Variants in LRATD2 observed in about 807,000 individuals in gnomAD.
LRATD2 encodes the protein LRAT domain containing 2, also known as protein LRATD2.
In LRATD2, 10 loss-of-function variants were observed where a neutral mutation model predicts 12.0. The observed-to-expected ratio is 0.83, with a 90% CI of 0.51 to 1.41. The LOEUF is 1.41. Ranked by LOEUF, LRATD2 falls within the 40% of genes most tolerant of loss-of-function variation. The pLI, the probability that LRATD2 is intolerant of heterozygous loss-of-function variation, is 0.00. For missense variants in LRATD2, 455 were observed against 446.1 expected (o/e 1.02, Z -0.18); for synonymous variants, 220 against 205.8 (o/e 1.07, Z -0.59).
chr8:126,558,171 A>T lies in LRATD2; in HGVS notation c.-234T>A, dbSNP rs186588912. On this transcript the variant is annotated 5_prime_UTR_variant, in exon 1 of 2. Transcript: ENST00000304916. ...GCGGCAGCGAGGCTGGGCAGAGGGCAGCGCAGCGGGCAGACTAGGGGCATG... is the reference window on the plus strand; with the variant it reads ...GCGGCAGCGAGGCTGGGCAGAGGGCTGCGCAGCGGGCAGACTAGGGGCATG... 8.5e-5 allele frequency: 13 copies of T among 153,014 alleles called. No individual in the cohort carries two copies. The highest frequency in any genetic ancestry group is 1.9e-4 in the Non-Finnish European group (13 of 68,620). The allele number at this position is 153,014 out of a possible 1,614,324, so 9.5% of individuals were successfully genotyped here. A position where few individuals can be genotyped will look rare whatever the true frequency, so the allele number is the denominator to read the frequency against.
Position 126,556,838 on chromosome 8 carries a change from G to C in LRATD2, c.552C>G (p.Asn184Lys), listed in dbSNP as rs1441282392. 10 of 1,605,002 alleles carry C rather than the reference G, an allele frequency of 6.2e-6. No individual in the cohort carries two copies. The highest frequency in any genetic ancestry group is 1.3e-5 in the African/African-American group (1 of 75,048). ...CCTTGGCACCCACGTGCGCCAGCGC[G>C]TTGCGCACCACGGCGCTGGAGCTTA... ...KPLSSSAVVR[N>K]ALAHVGAKER... is the part of the protein sequence containing the mutation. The change falls in exon 2 of 2, where the codon AAC becomes AAG. Residue 184 changes from asparagine to lysine, a missense_variant. By Grantham distance (94) the Asn-to-Lys change is moderately conservative. Transcript: ENST00000304916. The surrounding 1 kb of genome is among the most constrained non-coding windows in gnomAD (Gnocchi z 5.6).
chr8:126,558,338 A>C lies in LRATD2; in HGVS notation c.-401T>G, dbSNP rs1476898462. 6.6e-6 allele frequency: 1 copy of C among 152,000 alleles called. No individual in the cohort carries two copies. The highest frequency in any genetic ancestry group is 1.5e-5 in the Non-Finnish European group (1 of 68,058). 9.4% of individuals were successfully genotyped at this position (152,000 alleles called of 1,614,324 possible). Reference sequence around the variant, plus strand: ...GGAGGTGGGGCGCGAGGAGGAGAGGACGGCAGCCTCGCAGCCTGGCGGCAA... The same window carrying C: ...GGAGGTGGGGCGCGAGGAGGAGAGGCCGGCAGCCTCGCAGCCTGGCGGCAA... On this transcript the variant is annotated 5_prime_UTR_variant, in exon 1 of 2. Transcript: ENST00000304916.
rs12547220 is a variant in LRATD2 at position 126,558,443 on chromosome 8, G to A, written c.-506C>T. The A allele has an allele frequency of 0.1, 15,719 of 152,170 alleles. 1,060 individuals are homozygous for A. The highest frequency in any genetic ancestry group is 0.18 in the Admixed American group (2,718 of 15,300). The allele number at this position is 152,170 out of a possible 1,614,324, so 9.4% of individuals were successfully genotyped here. ...TGTAGATCCGGCTCCGGGCTCCCGG[G>A]CGGGAGCGCAGCCCGTGGCATTTAA... On this transcript the variant is annotated 5_prime_UTR_variant, in exon 1 of 2. Transcript: ENST00000304916.
In LRATD2 at chr8:126,557,172, G is replaced by C; in HGVS notation, c.218C>G (p.Pro73Arg). 1 of 1,609,788 alleles carries C rather than the reference G, an allele frequency of 6.2e-7. No homozygotes were observed. The highest frequency in any genetic ancestry group is 8.5e-7 in the Non-Finnish European group (1 of 1,178,506). ...GDGPPPPQPQ[P>R]YDPRLHEVEC... ...CACCTCGTGCAGCCGCGGATCGTAG[G>C]GCTGCGGCTGGGGCGGCGGCGGCCC... is the stretch of plus-strand genomic sequence containing the variant. The change falls in exon 2 of 2, where the codon CCC (proline) becomes CGC (arginine). Residue 73 changes from proline to arginine, a missense_variant. Physicochemically the swap from Pro to Arg is moderately radical, Grantham distance 103 (BLOSUM62 -2). Coordinates refer to ENST00000304916, the MANE Select transcript of LRATD2 (RefSeq NM_174911.5). This position sits in a 1 kb window ranked among gnomAD's most constrained non-coding sequence, Gnocchi z 5.3.
At position 126,556,416 on chromosome 8, in the gene LRATD2, GCAAA is replaced by G. The variant is rs1817392732; in HGVS notation, c.*37_*40del. The G allele has an allele frequency of 6.6e-7, 1 of 1,507,588 alleles. No homozygotes were observed. 93.4% of individuals were successfully genotyped at this position (1,507,588 alleles called of 1,614,324 possible). A position where few individuals can be genotyped will look rare whatever the true frequency, so the allele number is the denominator to read the frequency against. On this transcript the variant is annotated 3_prime_UTR_variant, in exon 2 of 2. Coordinates refer to ENST00000304916, the MANE Select transcript of LRATD2 (RefSeq NM_174911.5). This position sits in a 1 kb window ranked among gnomAD's most constrained non-coding sequence, Gnocchi z 5.6. ...GAGAAAGGGAGCAGCGGCTGCTACT[GCAAA>G]CAGTTCCCCTTCGCAGCTCTGCGCT...
Position 126,552,718 on chromosome 8 carries a change from T to C in LRATD2, c.*3739A>G, listed in dbSNP as rs1002023373. On this transcript the variant is annotated 3_prime_UTR_variant, in exon 2 of 2. Coordinates refer to ENST00000304916, the MANE Select transcript of LRATD2 (RefSeq NM_174911.5). Reference sequence around the variant, plus strand: ...ACAACTCACTGGGAAATAAAATGCATGTGGAATTTATCCTGTTTGTCAACA... The same window carrying C: ...ACAACTCACTGGGAAATAAAATGCACGTGGAATTTATCCTGTTTGTCAACA... The C allele has an allele frequency of 6.6e-6, 1 of 152,534 alleles. No individual in the cohort carries two copies. The highest frequency in any genetic ancestry group is 2.4e-5 in the African/African-American group (1 of 41,458). The allele number at this position is 152,534 out of a possible 1,614,324, so 9.4% of individuals were successfully genotyped here.
rs1262891172 is a variant in LRATD2 at position 126,556,229 on chromosome 8, G to A, written c.*228C>T. 2 of 530,124 alleles carry A rather than the reference G, an allele frequency of 3.8e-6. No homozygotes were observed. Among genetic ancestry groups the A allele is most frequent in the Admixed American group, 7.9e-5 (2 of 25,178 alleles). The allele number at this position is 530,124 out of a possible 1,614,324, so 32.8% of individuals were successfully genotyped here. A position where few individuals can be genotyped will look rare whatever the true frequency, so the allele number is the denominator to read the frequency against. ...AGGAAGACAGACAGGGGGCCAGAGG[G>A]AGACGCCCCCCACCCCCAACTAAAG... On this transcript the variant is annotated 3_prime_UTR_variant, in exon 2 of 2. Coordinates refer to ENST00000304916, the MANE Select transcript of LRATD2 (RefSeq NM_174911.5). This position sits in a 1 kb window ranked among gnomAD's most constrained non-coding sequence, Gnocchi z 5.6.
rs763319263 is a variant in LRATD2 at position 126,556,987 on chromosome 8, C to T, written c.403G>A (p.Val135Ile). 10 of 1,608,122 alleles carry T rather than the reference C, an allele frequency of 6.2e-6. No individual in the cohort carries two copies. Among genetic ancestry groups the T allele is most frequent in the Non-Finnish European group, 5.9e-6 (7 of 1,179,988 alleles). Reference sequence around the variant, plus strand: ...ACCACCTGGAAGTTACCCACATATACGGCCCAGTGCGGGTACTGAGCCTGC... The same window carrying T: ...ACCACCTGGAAGTTACCCACATATATGGCCCAGTGCGGGTACTGAGCCTGC... Reference protein sequence around the residue: ...VSQAQYPHWAVYVGNFQVVHL... With the variant: ...VSQAQYPHWAIYVGNFQVVHL... The change falls in exon 2 of 2, where the codon GTA (valine) becomes ATA (isoleucine). Residue 135 changes from valine (V) to isoleucine (I), a missense_variant. By Grantham distance (29) the Val-to-Ile change is conservative. Transcript: ENST00000304916. The surrounding 1 kb of genome is among the most constrained non-coding windows in gnomAD (Gnocchi z 5.6).
Position 126,556,613 on chromosome 8 carries a change from C to T in LRATD2, c.777G>A (p.Gln259=). ...CCTGCAGCACGGCCGCGCGCCCGAT[C>T]TGGTCGTTGCGTCGCTTCTCCATGA... ...DLIMEKRRND[Q]IGRAAVLQEL... Residue 259 remains glutamine, a synonymous_variant, in exon 2 of 2, where the codon CAG becomes CAA. Coordinates refer to ENST00000304916, the MANE Select transcript of LRATD2 (RefSeq NM_174911.5). The surrounding 1 kb of genome is among the most constrained non-coding windows in gnomAD (Gnocchi z 5.6). 7 of 1,611,112 alleles carry T rather than the reference C, an allele frequency of 4.3e-6. No individual in the cohort carries two copies. The highest frequency in any genetic ancestry group is 5.9e-6 in the Non-Finnish European group (7 of 1,178,832).
In LRATD2 at chr8:126,556,619, G is replaced by A. The variant is rs780772163; in HGVS notation, c.771C>T (p.Asn257=). Residue 257 remains asparagine (N), a synonymous_variant, in exon 2 of 2, where the codon AAC becomes AAT. Coordinates refer to ENST00000304916, the MANE Select transcript of LRATD2 (RefSeq NM_174911.5). This position sits in a 1 kb window ranked among gnomAD's most constrained non-coding sequence, Gnocchi z 5.6. ...LEDLIMEKRR[N]DQIGRAAVLQ... ...GCACGGCCGCGCGCCCGATCTGGTC[G>A]TTGCGTCGCTTCTCCATGATCAGGT... The A allele has an allele frequency of 6.2e-7, 1 of 1,611,184 alleles. No individual in the cohort carries two copies. The highest frequency in any genetic ancestry group is 8.5e-7 in the Non-Finnish European group (1 of 1,178,892).
rs1335381192 is a variant in LRATD2 at position 126,557,488 on chromosome 8, G to A, written c.-96-3C>T. ...CCCCGGACAGGGGCTGAGGCTACCTGTTGGGAGAGGAAGGCAAGAAAGCCA... is the reference window on the plus strand; with the variant it reads ...CCCCGGACAGGGGCTGAGGCTACCTATTGGGAGAGGAAGGCAAGAAAGCCA... On this transcript the variant is annotated splice_polypyrimidine_tract_variant and splice_region_variant and intron_variant, in intron 1 of 1. Coordinates refer to ENST00000304916, the MANE Select transcript of LRATD2 (RefSeq NM_174911.5). This position sits in a 1 kb window ranked among gnomAD's most constrained non-coding sequence, Gnocchi z 5.3. 2.2e-6 allele frequency: 3 copies of A among 1,333,972 alleles called. No homozygotes were observed. Among genetic ancestry groups the A allele is most frequent in the Non-Finnish European group, 3.1e-6 (3 of 972,782 alleles). 82.6% of individuals were successfully genotyped at this position (1,333,972 alleles called of 1,614,324 possible).
Position 126,556,919 on chromosome 8 carries a change from G to A in LRATD2, c.471C>T (p.Asp157=). ...CGCGGCCGCGACGGCCCTGGCTGGCGTCAGTCAGGAAGCTGTTAATCACCT... is the reference window on the plus strand; with the variant it reads ...CGCGGCCGCGACGGCCCTGGCTGGCATCAGTCAGGAAGCTGTTAATCACCT... ...RLEVINSFLT[D]ASQGRRGRVV... Residue 157 remains aspartate (D), a synonymous_variant, in exon 2 of 2, where the codon GAC becomes GAT. Coordinates refer to ENST00000304916, the MANE Select transcript of LRATD2 (RefSeq NM_174911.5). The surrounding 1 kb of genome is among the most constrained non-coding windows in gnomAD (Gnocchi z 5.6). 1 of 1,609,894 alleles carries A rather than the reference G, an allele frequency of 6.2e-7. No individual in the cohort carries two copies. The highest frequency in any genetic ancestry group is 8.5e-7 in the Non-Finnish European group (1 of 1,179,946).
rs374699943 is a variant in LRATD2 at position 126,556,546 on chromosome 8, C to A, written c.844G>T (p.Asp282Tyr). 2.8e-5 allele frequency: 45 copies of A among 1,604,338 alleles called. No homozygotes were observed. The African/African-American group carries it at 4.1e-4, about 15-fold the overall frequency. The change falls in exon 2 of 2, where the codon GAC (aspartate) becomes TAC (tyrosine). Residue 282 changes from aspartate (D) to tyrosine (Y), a missense_variant. Transcript: ENST00000304916. The surrounding 1 kb of genome is among the most constrained non-coding windows in gnomAD (Gnocchi z 5.6). ...HLHPAEPEEG[D>Y]SNVARTTPPP... ...GGCGTAGTCCGCGCCACGTTGCTGT[C>A]GCCCTCCTCCGGCTCCGCCGGGTGC...
At position 126,556,340 on chromosome 8, in the gene LRATD2, C is replaced by A; in HGVS notation, c.*117G>T. On this transcript the variant is annotated 3_prime_UTR_variant, in exon 2 of 2. Transcript: ENST00000304916. This position sits in a 1 kb window ranked among gnomAD's most constrained non-coding sequence, Gnocchi z 5.6. Reference sequence around the variant, plus strand: ...TTCACCAACTCTTTTCCAAAGGGCCCAGGAATCCCAGATGGGGCCCAGACA... The same window carrying A: ...TTCACCAACTCTTTTCCAAAGGGCCAAGGAATCCCAGATGGGGCCCAGACA... 8.1e-7 allele frequency: 1 copy of A among 1,237,810 alleles called. No homozygotes were observed. Among genetic ancestry groups the A allele is most frequent in the Non-Finnish European group, 1.1e-6 (1 of 923,208 alleles). 76.7% of individuals were successfully genotyped at this position (1,237,810 alleles called of 1,614,324 possible). A position where few individuals can be genotyped will look rare whatever the true frequency, so the allele number is the denominator to read the frequency against.
In LRATD2 at chr8:126,557,305, C is replaced by T. The variant is rs955501607; in HGVS notation, c.85G>A (p.Gly29Arg). The T allele has an allele frequency of 8.1e-6, 13 of 1,613,636 alleles. No homozygotes were observed. The highest frequency in any genetic ancestry group is 1.1e-5 in the Non-Finnish European group (13 of 1,180,000). ...ATGTAGGAGACCCCAATGCGGGGCC[C>T]GTCGTCCCGGTCCACGCCAGTCGGG... is the stretch of plus-strand genomic sequence containing the variant. ...ADPTGVDRDD[G>R]PRIGVSYIFS... The change falls in exon 2 of 2, where the codon GGG becomes AGG. Residue 29 changes from glycine (G) to arginine (R), a missense_variant. By Grantham distance (125) the Gly-to-Arg change is moderately radical. Coordinates refer to ENST00000304916, the MANE Select transcript of LRATD2 (RefSeq NM_174911.5). This position sits in a 1 kb window ranked among gnomAD's most constrained non-coding sequence, Gnocchi z 5.3.
Position 126,555,067 on chromosome 8 carries a change from C to A in LRATD2, c.*1390G>T, listed in dbSNP as rs1447368023. On this transcript the variant is annotated 3_prime_UTR_variant, in exon 2 of 2. Transcript: ENST00000304916. ...CTGCCGCTAACAGATCTCACAATCACCAACTGTGCTTTAGGACTGTCACCA... is the reference window on the plus strand; with the variant it reads ...CTGCCGCTAACAGATCTCACAATCAACAACTGTGCTTTAGGACTGTCACCA... The A allele has an allele frequency of 6.6e-6, 1 of 152,188 alleles. No homozygotes were observed. The highest frequency in any genetic ancestry group is 1.9e-4 in the East Asian group (1 of 5,202). 9.4% of individuals were successfully genotyped at this position (152,188 alleles called of 1,614,324 possible).
At position 126,556,738 on chromosome 8, in the gene LRATD2, C is replaced by G; in HGVS notation, c.652G>C (p.Gly218Arg). The change falls in exon 2 of 2, where the codon GGC (glycine) becomes CGC (arginine). Residue 218 changes from glycine (G) to arginine (R), a missense_variant. By Grantham distance (125) the Gly-to-Arg change is moderately radical. Coordinates refer to ENST00000304916, the MANE Select transcript of LRATD2 (RefSeq NM_174911.5). This position sits in a 1 kb window ranked among gnomAD's most constrained non-coding sequence, Gnocchi z 5.6. ...CRYGKREFKI[G>R]GELRIGKQPY... ...TGCTTGCCGATGCGCAGCTCGCCGC[C>G]GATCTTGAACTCGCGCTTGCCGTAG... 4 of 1,602,886 alleles carry G rather than the reference C, an allele frequency of 2.5e-6. 1 individual carries two copies. The highest frequency in any genetic ancestry group is 3.3e-4 in the Middle Eastern group (2 of 6,050).
At position 126,557,168 on chromosome 8, in the gene LRATD2, G is replaced by C; in HGVS notation, c.222C>G (p.Tyr74Ter). Reference protein sequence around the residue: ...DGPPPPQPQPYDPRLHEVECS... With the variant: ...DGPPPPQPQP ...ATTCCACCTCGTGCAGCCGCGGATCGTAGGGCTGCGGCTGGGGCGGCGGCG... is the reference window on the plus strand; with the variant it reads ...ATTCCACCTCGTGCAGCCGCGGATCCTAGGGCTGCGGCTGGGGCGGCGGCG... Residue 74 changes from tyrosine (Y) to a stop codon, truncating the protein, a stop_gained, in exon 2 of 2, where the codon TAC (tyrosine) becomes TAG (stop). Transcript: ENST00000304916. LOFTEE classifies it high-confidence loss of function. This position sits in a 1 kb window ranked among gnomAD's most constrained non-coding sequence, Gnocchi z 5.3. 6.2e-7 allele frequency: 1 copy of C among 1,610,514 alleles called. No individual in the cohort carries two copies. The highest frequency in any genetic ancestry group is 8.5e-7 in the Non-Finnish European group (1 of 1,178,834).
chr8:126,557,185 G>T lies in LRATD2; in HGVS notation c.205C>A (p.Pro69Thr), dbSNP rs1459781874. ...LPDGGDGPPP[P>T]QPQPYDPRLH... Reference sequence around the variant, plus strand: ...CGCGGATCGTAGGGCTGCGGCTGGGGCGGCGGCGGCCCGTCCCCACCGTCG... The same window carrying T: ...CGCGGATCGTAGGGCTGCGGCTGGGTCGGCGGCGGCCCGTCCCCACCGTCG... The change falls in exon 2 of 2, where the codon CCC (proline) becomes ACC (threonine). Residue 69 changes from proline (P) to threonine (T), a missense_variant. Physicochemically the swap from Pro to Thr is conservative, Grantham distance 38. Coordinates refer to ENST00000304916, the MANE Select transcript of LRATD2 (RefSeq NM_174911.5). The surrounding 1 kb of genome is among the most constrained non-coding windows in gnomAD (Gnocchi z 5.3). 1.6e-5 allele frequency: 26 copies of T among 1,604,184 alleles called. No homozygotes were observed. The highest frequency in any genetic ancestry group is 2.0e-5 in the Non-Finnish European group (24 of 1,176,114).
Sources: gnomAD v4.1 joint callset for allele counts on GRCh38, gnomAD v4.1.1 for gene constraint, Gnocchi (gnomAD v3.1) non-coding constraint, MANE v1.5 for transcripts, NCBI Gene and HGNC (gene_info 2026-07-23, HGNC 2026-07-21) for gene names.